The following POLA1 variants were observed in gnomAD, a reference collection of about 807,000 sequenced individuals.
POLA1 encodes the protein DNA polymerase alpha 1, catalytic subunit.
A neutral mutation model predicts 124.0 loss-of-function variants in POLA1; 15 were observed. The observed-to-expected ratio is 0.12, with a 90% CI of 0.08 to 0.19. The LOEUF (loss-of-function observed/expected upper bound fraction) is 0.19, where lower values mean the gene tolerates loss of function less well. Among genes scored for constraint, POLA1 ranks in the 10% least tolerant of loss-of-function variants. The pLI, the probability that POLA1 is intolerant of heterozygous loss-of-function variation, is 1.00. For synonymous variants in POLA1, 408 were observed against 389.4 expected (o/e 1.05, Z -0.56); for missense variants, 886 against 1,103.4 (o/e 0.80, Z 2.79).
intron 34 of POLA1, among the ~76,000 whole-genome samples, chrX:24,846,063 T>G (rs1435437367): frequency 8.9e-6 from 1 of 112,287 alleles, no homozygotes; most frequent in African/African-American, 3.2e-5. Flanking sequence ...CAAAGTATAC[T>G]TCTAAATCAC....
chrX:24,929,169 C>A (rs2047736997), intron 35 of POLA1, among the ~76,000 whole-genome samples: 1 of 112,252 alleles, frequency 8.9e-6, no homozygotes, highest in Non-Finnish European at 1.9e-5. Context: ...ATCATTAAGA[C>A]CCAGCTAGGA....
intron 36 of POLA1, among the ~76,000 whole-genome samples, chrX:24,964,313 C>T (rs2048200103): frequency 8.9e-6 from 1 of 111,944 alleles, no homozygotes; most frequent in Non-Finnish European, 1.9e-5. Context: ...TTTGAGTTTA[C>T]CAGGAAGTTT....
At chrX:24,856,372 A>C (rs1177483024) in intron 34 of POLA1, among the ~76,000 whole-genome samples, 1 of 111,992 alleles carries the variant, frequency 8.9e-6, no homozygotes, top group Admixed American at 9.5e-5. Flanking sequence ...TGGATCTGTC[A>C]GTTTGTTTGA....
At chrX:24,796,280 G>A (rs1366428123) in intron 26 of POLA1, among the ~76,000 whole-genome samples, 1 of 111,546 alleles carries the variant, frequency 9.0e-6, no homozygotes, top group Non-Finnish European at 1.9e-5. Context: ...ACATGACAAA[G>A]CAAGGTGCTC....
At chrX:24,925,182 G>A (rs988760205) in intron 35 of POLA1, among the ~76,000 whole-genome samples, 11 of 112,085 alleles carry the variant, frequency 9.8e-5, no homozygotes, top group Non-Finnish European at 2.1e-4. Context: ...GCTTCTACTA[G>A]AACGTGGTGT....
At position 24,810,765 on chromosome X, in the gene POLA1, AC is replaced by A; in HGVS notation, c.3057del (p.Asn1020IlefsTer12). On this transcript the variant is annotated frameshift_variant, in exon 28 of 37. Coordinates refer to ENST00000379068, the MANE Select transcript of POLA1 (RefSeq NM_001330360.2). LOFTEE classifies it high-confidence loss of function. ...TTCAATTATGATAAACACCAATAGC[AC>A]CAATCTGGAAGAAGTATTTAAGTTG... Reference protein sequence around the residue: ...TDSIMINTNSTNLEEVFKLGN... With the variant: ...TDSIMINTNSXNLEEVFKLGN... The A allele has an allele frequency of 9.2e-7, 1 of 1,085,694 alleles. No homozygotes were observed. Among genetic ancestry groups the A allele is most frequent in the Non-Finnish European group, 1.3e-6 (1 of 787,154 alleles). 89.5% of individuals were successfully genotyped at this position (1,085,694 alleles called of 1,213,427 possible).
At chrX:24,702,148 A>G (rs1186104985) in intron 2 of POLA1, among the ~76,000 whole-genome samples, 4 of 107,026 alleles carry the variant, frequency 3.7e-5, no homozygotes, top group Non-Finnish European at 5.8e-5. Flanking sequence ...GCATCACTGC[A>G]ACCTCCACCT....
At chrX:24,741,899 AAT>A in intron 21 of POLA1, 101 bp from the exon 22 acceptor site, 2 of 567,315 alleles carry the variant, frequency 3.5e-6, no homozygotes, top group East Asian at 7.3e-5. Context: ...CGTTATTAGG[AAT>A]AGTTTTGAAG....
intron 34 of POLA1, among the ~76,000 whole-genome samples, chrX:24,880,417 G>A (rs771764997): frequency 2.7e-5 from 3 of 111,774 alleles, no homozygotes; most frequent in African/African-American, 3.2e-5. Flanking sequence ...TATTAACTTC[G>A]GTGAATAGTT....
At chrX:24,835,423 A>G (rs780039052) in intron 32 of POLA1, among the ~76,000 whole-genome samples, 1 of 110,990 alleles carries the variant, frequency 9.0e-6, no homozygotes, top group African/African-American at 3.3e-5. Context: ...ACACCAAAAA[A>G]CCTCACAATT....
intron 36 of POLA1, among the ~76,000 whole-genome samples, chrX:24,955,943 G>A (rs2048100925): frequency 8.9e-6 from 1 of 111,941 alleles, no homozygotes; most frequent in African/African-American, 3.3e-5. Flanking sequence ...AAGTAAGACA[G>A]TTATTCTACC....
At chrX:24,708,396 TA>T (rs1236094673) in intron 4 of POLA1, among the ~76,000 whole-genome samples, 9 of 100,392 alleles carry the variant, frequency 9.0e-5, no homozygotes, top group African/African-American at 3.3e-4. Context: ...TTTTTTAATT[TA>T]TTTTTTTATT....
intron 36 of POLA1, among the ~76,000 whole-genome samples, chrX:24,993,842 A>G (rs2048565676): frequency 8.9e-6 from 1 of 112,084 alleles, no homozygotes; most frequent in African/African-American, 3.2e-5. Context: ...GCTATGGGAT[A>G]TGCTGGCGGT....
At chrX:24,779,461 A>G (rs1471980471) in intron 26 of POLA1, among the ~76,000 whole-genome samples, 1 of 112,159 alleles carries the variant, frequency 8.9e-6, no homozygotes, top group East Asian at 2.8e-4. Flanking sequence ...TTAGCAAATG[A>G]TATTGTTTTG....
chrX:24,869,201 T>C (rs1316717851), intron 34 of POLA1, among the ~76,000 whole-genome samples: 1 of 112,800 alleles, frequency 8.9e-6, no homozygotes, highest in Non-Finnish European at 1.9e-5. Context: ...CCCAAAGTGC[T>C]GGGATTACAG....
chrX:24,793,992 G>T (rs1213126593), intron 26 of POLA1, among the ~76,000 whole-genome samples: 1 of 109,509 alleles, frequency 9.1e-6, no homozygotes, highest in Non-Finnish European at 1.9e-5. Context: ...TTTTGAGACT[G>T]AGTCTCTCTC....
chrX:24,810,066 T>C (rs1465888991), intron 27 of POLA1, 136 bp downstream of exon 27: 1 of 428,665 alleles, frequency 2.3e-6, no homozygotes, highest in Non-Finnish European at 4.0e-6. Context: ...TAATCCTTCC[T>C]AATGGATTAC....
At chrX:24,890,088 ATTTT>A (rs72081141) in intron 35 of POLA1, among the ~76,000 whole-genome samples, 2 of 77,765 alleles carry the variant, frequency 2.6e-5, no homozygotes, top group Non-Finnish European at 2.5e-5. Context: ...TTTCAGTACG[ATTTT>A]TTTTTTTTTT....
intron 34 of POLA1, among the ~76,000 whole-genome samples, chrX:24,886,060 T>C (rs1209411044): frequency 8.9e-6 from 1 of 112,176 alleles, no homozygotes; most frequent in Non-Finnish European, 1.9e-5. Context: ...TGGTTCATGA[T>C]CTTTTGCTGT....
Sources: allele counts gnomAD v4.1 joint callset (sites outside exome capture counted in the v4.1 genomes callset), GRCh38; gene constraint gnomAD v4.1.1; transcripts MANE v1.5; gene names NCBI Gene and HGNC (gene_info 2026-07-23, HGNC 2026-07-21).